The following TSPAN18 variants were observed in gnomAD, a reference collection of about 807,000 sequenced individuals.
The protein encoded by TSPAN18 is tetraspanin 18, also known as tetraspanin-18.
TSPAN18 carries 14 observed loss-of-function variants against 27.3 expected under a neutral mutation model. That is an observed-to-expected ratio of 0.51 (90% CI 0.34 to 0.80). TSPAN18 has a LOEUF of 0.80. Among genes scored for constraint, TSPAN18 ranks in the 30% least tolerant of loss-of-function variants. TSPAN18 has a pLI of 0.01. For synonymous variants in TSPAN18, 143 were observed against 136.5 expected, an observed-to-expected ratio of 1.05 and a Z score of -0.33; for missense variants, 268 against 323.9, an observed-to-expected ratio of 0.83 and a Z score of 1.32.
At chr11:44,917,449 A>G (rs1039800312) in intron 5 of TSPAN18, 3 of 152,564 alleles carry the variant, frequency 2.0e-5, no homozygotes, top group East Asian at 3.8e-4. Flanking sequence ...CTTCCCTCCA[A>G]TCTTATTCCT....
intron 3 of TSPAN18, among the ~76,000 whole-genome samples, chr11:44,883,367 G>A (rs1858548104): frequency 6.6e-6 from 1 of 152,196 alleles, no homozygotes; most frequent in Admixed American, 6.5e-5. Flanking sequence ...ACTGGGAACC[G>A]TGAAACCATG....
intron 8 of TSPAN18, among the ~76,000 whole-genome samples, chr11:44,922,169 T>C (rs1352896193): frequency 6.8e-6 from 1 of 147,148 alleles, no homozygotes; most frequent in African/African-American, 2.6e-5. Context: ...CAGGCTGGAG[T>C]GCAATGGCAC....
chr11:44,766,104 GC>G (rs2134899738), intron 2 of TSPAN18, among the ~76,000 whole-genome samples: 1 of 152,322 alleles, frequency 6.6e-6, no homozygotes, highest in African/African-American at 2.4e-5. Flanking sequence ...CTGCCTCTGT[GC>G]CCATAGTCAG....
chr11:44,896,465 G>C (rs1859054478), intron 3 of TSPAN18, among the ~76,000 whole-genome samples: 1 of 152,094 alleles, frequency 6.6e-6, no homozygotes, highest in Non-Finnish European at 1.5e-5. Context: ...TGCCAGCACT[G>C]TACCCCAAGT....
chr11:44,883,435 G>A (rs534486894), intron 3 of TSPAN18, among the ~76,000 whole-genome samples: 11 of 152,176 alleles, frequency 7.2e-5, no homozygotes, highest in Admixed American at 2.6e-4. Context: ...TCATAACAGC[G>A]CGTGCTTCTT....
At chr11:44,733,586 G>A (rs533176303) in intron 1 of TSPAN18, among the ~76,000 whole-genome samples, 2 of 91,930 alleles carry the variant, frequency 2.2e-5, no homozygotes, top group Non-Finnish European at 6.3e-5. Flanking sequence ...CCTCAATAGG[G>A]TAGAGTATCT....
intron 3 of TSPAN18, among the ~76,000 whole-genome samples, chr11:44,877,409 G>C (rs933679336): frequency 3.3e-5 from 5 of 152,180 alleles, no homozygotes; most frequent in African/African-American, 7.2e-5. Flanking sequence ...AGAGGTGCAG[G>C]CTGCAGGGAT....
At chr11:44,855,562 G>T (rs955458352) in intron 2 of TSPAN18, among the ~76,000 whole-genome samples, 6 of 152,144 alleles carry the variant, frequency 3.9e-5, no homozygotes, top group African/African-American at 1.4e-4. Context: ...GAGGCCCAGA[G>T]AGGTTAAATG....
intron 1 of TSPAN18, among the ~76,000 whole-genome samples, chr11:44,754,016 C>A (rs1855273442): frequency 1.3e-5 from 2 of 152,272 alleles, no homozygotes; most frequent in East Asian, 1.9e-4. Flanking sequence ...GTAAAAAGTT[C>A]TTGGCCTCCT....
chr11:44,847,616 C>T (rs835795), intron 2 of TSPAN18, among the ~76,000 whole-genome samples: 61,946 of 152,034 alleles, frequency 0.41, 13,331 homozygotes, highest in South Asian at 0.47. Flanking sequence ...ATTTGTTTGA[C>T]TCCCTGACTT....
rs3222524 is a variant in TSPAN18, at chr11:44,802,609, G to GCACACACA, written c.-153+38118_-153+38125dup. The stretch of plus-strand genomic sequence containing the variant: ...TGGGAGTGGGGGGCTGGGAAGCACT[G>GCACACACA]CACACACACACACACACACACACAC... On this transcript the variant is annotated intron_variant, in intron 2 of 9. Transcript: ENST00000520358. 6.3e-3 allele frequency among the ~76,000 whole-genome samples: 905 copies of GCACACACA among 142,694 alleles called. 8 individuals carry two copies. The highest frequency in any genetic ancestry group is 0.021 in the African/African-American group (786 of 37,472). The allele number at this position is 142,694 out of a possible 152,430, so 93.6% of individuals were successfully genotyped here.
Position 44,826,251 on chromosome 11 carries a change from C to T in TSPAN18, c.-152-34077C>T, listed in dbSNP as rs554833417. On this transcript the variant is annotated intron_variant, in intron 2 of 9. Coordinates refer to ENST00000520358, the MANE Select transcript of TSPAN18 (RefSeq NM_130783.5). ...CAGCCTGACCAACATGGAGAAACCCCGTCTCTACTAAAAATACAAAAATTA... is the reference window on the plus strand; with the variant it reads ...CAGCCTGACCAACATGGAGAAACCCTGTCTCTACTAAAAATACAAAAATTA... Among the ~76,000 whole-genome samples, 6 of 152,234 alleles carry T rather than the reference C, an allele frequency of 3.9e-5. No homozygotes were observed. The South Asian group carries it at 6.2e-4, about 16-fold the overall frequency.
intron 5 of TSPAN18, among the ~76,000 whole-genome samples, chr11:44,913,347 T>C (rs1237156687): frequency 6.6e-6 from 1 of 152,228 alleles, no homozygotes; most frequent in Non-Finnish European, 1.5e-5. Flanking sequence ...TAATGATCAA[T>C]TTATCTATCT....
At chr11:44,731,633 T>TGTGAGAGAGAGAGAGAGAGAGA (rs139154582) in intron 1 of TSPAN18, among the ~76,000 whole-genome samples, 1 of 107,384 alleles carries the variant, frequency 9.3e-6, no homozygotes, top group African/African-American at 3.5e-5. Flanking sequence ...TGTGTGTGTG[T>TGTGAGAGAGAGAGAGAGAGAGA]GAGAGAGAGA....
chr11:44,895,642 G>C (rs550367398), intron 3 of TSPAN18, among the ~76,000 whole-genome samples: 1 of 152,370 alleles, frequency 6.6e-6, no homozygotes, highest in South Asian at 2.1e-4. Context: ...CCCAGCCAGG[G>C]TACAGCATTC....
intron 2 of TSPAN18, among the ~76,000 whole-genome samples, chr11:44,772,447 G>T (rs965943340): frequency 1.6e-4 from 24 of 152,114 alleles, no homozygotes; most frequent in Admixed American, 4.6e-4. Flanking sequence ...AAAGGTAACG[G>T]GTCAACAGTT....
At chr11:44,872,447 C>T (rs886170242) in intron 3 of TSPAN18, among the ~76,000 whole-genome samples, 1 of 152,220 alleles carries the variant, frequency 6.6e-6, no homozygotes, top group African/African-American at 2.4e-5. Flanking sequence ...TGAGTGAATG[C>T]ATGTAAAACA....
At chr11:44,775,569 CA>C (rs1290349556) in intron 2 of TSPAN18, among the ~76,000 whole-genome samples, 1 of 151,868 alleles carries the variant, frequency 6.6e-6, no homozygotes, top group Non-Finnish European at 1.5e-5. Context: ...CCGGTGACTG[CA>C]AAGGTTTGGT....
At chr11:44,808,820 G>A (rs866532334) in intron 2 of TSPAN18, among the ~76,000 whole-genome samples, 2 of 152,108 alleles carry the variant, frequency 1.3e-5, no homozygotes, top group Non-Finnish European at 2.9e-5. Context: ...ATCCATATTC[G>A]TATAAGATTT....
Sources: allele counts gnomAD v4.1 joint callset (sites outside exome capture counted in the v4.1 genomes callset), GRCh38; gene constraint gnomAD v4.1.1; transcripts MANE v1.5; gene names NCBI Gene and HGNC (gene_info 2026-07-23, HGNC 2026-07-21).